The following CRPPA variants were observed in gnomAD, a reference collection of about 807,000 sequenced individuals.
CRPPA encodes D-ribitol-5-phosphate cytidylyltransferase.
CRPPA carries 43 observed loss-of-function variants against 52.0 expected under a neutral mutation model. The observed-to-expected ratio is 0.83, with a 90% CI of 0.65 to 1.07. The LOEUF (loss-of-function observed/expected upper bound fraction) is 1.07, where lower values mean the gene tolerates loss of function less well. Among genes scored for constraint, CRPPA ranks in the 50% least tolerant of loss-of-function variants. CRPPA has a pLI of 0.00. For missense variants in CRPPA, 629 were observed against 551.7 expected, an observed-to-expected ratio of 1.14 and a Z score of -1.40; for synonymous variants, 250 against 203.5, an observed-to-expected ratio of 1.23 and a Z score of -1.94.
At chr7:16,094,555 T>G (rs1291023896) in intron 9 of CRPPA, among the ~76,000 whole-genome samples, 1 of 142,500 alleles carries the variant, frequency 7.0e-6, no homozygotes, top group African/African-American at 2.5e-5. Flanking sequence ...GATCATTTTA[T>G]TATTCACATA....
At chr7:16,367,884 C>T (rs2128310617) in intron 3 of CRPPA, among the ~76,000 whole-genome samples, 1 of 152,254 alleles carries the variant, frequency 6.6e-6, no homozygotes, top group East Asian at 1.9e-4. Context: ...TTACATGTCT[C>T]CATCGTCAAG....
intron 8 of CRPPA, among the ~76,000 whole-genome samples, chr7:16,239,137 C>CAAAAAAAAAAAAAAAAAAAA (rs35537101): frequency 5.6e-5 from 5 of 88,526 alleles, no homozygotes; most frequent in Admixed American, 1.6e-4. Flanking sequence ...GACTCTGTCT[C>CAAAAAAAAAAAAAAAAAAAA]AAAAAAAAAA....
intron 6 of CRPPA, among the ~76,000 whole-genome samples, chr7:16,267,640 A>G (rs1012273313): frequency 2.0e-5 from 3 of 152,192 alleles, no homozygotes; most frequent in Non-Finnish European, 4.4e-5. Context: ...AATGACTAAA[A>G]TTAAACAATT....
chr7:16,249,855 G>C (rs1472205820), intron 8 of CRPPA, among the ~76,000 whole-genome samples: 1 of 152,126 alleles, frequency 6.6e-6, no homozygotes, highest in Non-Finnish European at 1.5e-5. Context: ...CGCCAGCAAG[G>C]GAACAAAACT....
intron 3 of CRPPA, among the ~76,000 whole-genome samples, chr7:16,330,587 C>T (rs563554779): frequency 1.3e-5 from 2 of 152,168 alleles, no homozygotes; most frequent in East Asian, 1.9e-4. Context: ...CTAGTGTGGG[C>T]AAGTCTGAGA....
intron 3 of CRPPA, among the ~76,000 whole-genome samples, chr7:16,328,165 G>A (rs1785461040): frequency 6.6e-6 from 1 of 152,040 alleles, no homozygotes; most frequent in Non-Finnish European, 1.5e-5. Flanking sequence ...ATTTGTCCAG[G>A]ATACTTAAGT....
intron 3 of CRPPA, among the ~76,000 whole-genome samples, chr7:16,324,089 C>T (rs1471128389): frequency 6.6e-6 from 1 of 152,142 alleles, no homozygotes; most frequent in Non-Finnish European, 1.5e-5. Flanking sequence ...AAATGAAACA[C>T]CTCTTATTTG....
At chr7:16,174,190 T>C (rs1009880638) in intron 9 of CRPPA, among the ~76,000 whole-genome samples, 1 of 152,138 alleles carries the variant, frequency 6.6e-6, no homozygotes, top group Non-Finnish European at 1.5e-5. Context: ...TCAGTGCAAA[T>C]AGGTGATGGC....
At chr7:16,110,119 G>A (rs1782231092) in intron 9 of CRPPA, among the ~76,000 whole-genome samples, 1 of 151,934 alleles carries the variant, frequency 6.6e-6, no homozygotes, top group Admixed American at 6.6e-5. Context: ...ACAAAACTCA[G>A]TAGCATTTTT....
intron 9 of CRPPA, among the ~76,000 whole-genome samples, chr7:16,195,935 C>T (rs1343727296): frequency 6.6e-6 from 1 of 152,104 alleles, no homozygotes; most frequent in African/African-American, 2.4e-5. Flanking sequence ...CACAGCATCC[C>T]ATCCCCAAAA....
chr7:16,413,670 A>G (rs1788122216), intron 1 of CRPPA, among the ~76,000 whole-genome samples: 1 of 152,248 alleles, frequency 6.6e-6, no homozygotes, highest in African/African-American at 2.4e-5. Context: ...TGGTTTTCCA[A>G]AATCTAGGAC....
intron 3 of CRPPA, among the ~76,000 whole-genome samples, chr7:16,372,221 A>G (rs928079761): frequency 6.6e-6 from 1 of 152,212 alleles, no homozygotes; most frequent in African/African-American, 2.4e-5. Flanking sequence ...CATTGCAAAA[A>G]GACCATCACC....
intron 5 of CRPPA, among the ~76,000 whole-genome samples, chr7:16,299,056 T>C (rs1784733571): frequency 6.6e-6 from 1 of 152,234 alleles, no homozygotes; most frequent in South Asian, 2.1e-4. Flanking sequence ...TAAATCTATG[T>C]ATGCATCTTA....
intron 2 of CRPPA, among the ~76,000 whole-genome samples, chr7:16,399,355 A>G (rs1787726332): frequency 1.3e-5 from 2 of 152,122 alleles, no homozygotes; most frequent in African/African-American, 4.8e-5. Context: ...CATGACTGAC[A>G]TGATTGACGT....
intron 9 of CRPPA, among the ~76,000 whole-genome samples, chr7:16,113,936 T>A (rs1782316802): frequency 6.6e-6 from 1 of 151,796 alleles, no homozygotes; most frequent in South Asian, 2.1e-4. Context: ...AACACAGTAG[T>A]CTCTAGAAAA....
At chr7:16,318,063 T>A (rs918152680) in intron 3 of CRPPA, among the ~76,000 whole-genome samples, 7 of 152,190 alleles carry the variant, frequency 4.6e-5, no homozygotes, top group Admixed American at 2.0e-4. Context: ...AGTCTCTAAC[T>A]GGAAGCTCCA....
At chr7:16,262,028 T>C (rs1438699936) in intron 6 of CRPPA, 2 of 152,264 alleles carry the variant, frequency 1.3e-5, no homozygotes, top group Non-Finnish European at 1.5e-5. Flanking sequence ...ACGTTTTGCT[T>C]GTTTATGGGT....
At chr7:16,401,364 T>G (rs777721099) in intron 2 of CRPPA, among the ~76,000 whole-genome samples, 1 of 152,184 alleles carries the variant, frequency 6.6e-6, no homozygotes, top group Non-Finnish European at 1.5e-5. Flanking sequence ...CAGGTGATTT[T>G]GGAAAGAATG....
intron 8 of CRPPA, among the ~76,000 whole-genome samples, chr7:16,252,288 C>T (rs1783478868): frequency 6.6e-6 from 1 of 152,102 alleles, no homozygotes; most frequent in Non-Finnish European, 1.5e-5. Flanking sequence ...ATAAACAGAA[C>T]CAACAACAAA....
Sources: allele counts gnomAD v4.1 joint callset (sites outside exome capture counted in the v4.1 genomes callset), GRCh38; gene constraint gnomAD v4.1.1; transcripts MANE v1.5; gene names NCBI Gene and HGNC (gene_info 2026-07-23, HGNC 2026-07-21).